Variants in STN1 observed in about 807,000 individuals in gnomAD.
STN1 encodes the protein CST complex subunit STN1.
STN1 carries 29 observed loss-of-function variants against 45.5 expected under a neutral mutation model. The observed-to-expected ratio is 0.64, with a 90% CI of 0.47 to 0.87. The LOEUF (loss-of-function observed/expected upper bound fraction) is 0.87, where lower values mean the gene tolerates loss of function less well. Among genes scored for constraint, STN1 ranks in the 40% least tolerant of loss-of-function variants. The pLI is 0.00. For missense variants in STN1, 376 were observed against 441.4 expected (o/e 0.85, Z 1.33); for synonymous variants, 148 against 159.0 (o/e 0.93, Z 0.52).
intron 7 of STN1, among the ~76,000 whole-genome samples, chr10:103,896,818 G>A (rs1210050394): frequency 6.6e-6 from 1 of 151,972 alleles, no homozygotes; most frequent in African/African-American, 2.4e-5. Context: ...TTACAGGCGT[G>A]AGCCACTGCG....
Position 103,897,789 on chromosome 10 carries a change from C to A in STN1, c.582-70G>T, listed in dbSNP as rs1032832947. ...TTTGTTCCTTTTTGGTGTATAAAAA[C>A]CAGAAAATTAGCTAGAAAATGCAAC... On this transcript the variant is annotated intron_variant, in intron 6 of 9. Coordinates refer to ENST00000224950, the MANE Select transcript of STN1 (RefSeq NM_024928.5). 3.3e-6 allele frequency: 5 copies of A among 1,516,402 alleles called. No homozygotes were observed. The Admixed American group carries it at 6.0e-5, about 18-fold the overall frequency. The allele number at this position is 1,516,402 out of a possible 1,614,324, so 93.9% of individuals were successfully genotyped here. A position where few individuals can be genotyped will look rare whatever the true frequency, so the allele number is the denominator to read the frequency against.
intron 3 of STN1, among the ~76,000 whole-genome samples, chr10:103,909,386 A>ATATGTATATATATGTATATG (rs1843267211): frequency 1.2e-5 from 1 of 86,358 alleles, no homozygotes; most frequent in African/African-American, 4.2e-5. Flanking sequence ...ATATGTATAT[A>ATATGTATATATATGTATATG]TATGTATATA....
chr10:103,893,400 C>A (rs1222507885), intron 7 of STN1, among the ~76,000 whole-genome samples: 3 of 152,138 alleles, frequency 2.0e-5, no homozygotes, highest in African/African-American at 4.8e-5. Flanking sequence ...GATCTCCCGA[C>A]CTCGTGATCC....
intron 7 of STN1, among the ~76,000 whole-genome samples, chr10:103,894,945 C>T (rs1843161999): frequency 1.3e-5 from 2 of 152,196 alleles, no homozygotes; most frequent in South Asian, 4.1e-4. Flanking sequence ...CAAGCCTGCT[C>T]TCTCTCTGCC....
chr10:103,887,282 G>A (rs76208875), intron 9 of STN1, among the ~76,000 whole-genome samples: 320 of 152,264 alleles, frequency 2.1e-3, no homozygotes, highest in Non-Finnish European at 2.8e-3. Context: ...GTATATCGTC[G>A]GCTAAACTTC....
intron 3 of STN1, among the ~76,000 whole-genome samples, chr10:103,908,520 G>T (rs889240053): frequency 1.3e-5 from 2 of 152,212 alleles, no homozygotes; most frequent in African/African-American, 4.8e-5. Flanking sequence ...GCAGGGAGCG[G>T]CCACCTGGCA....
In STN1 at chr10:103,880,114, G is replaced by A. The variant is rs908378752; in HGVS notation, c.*2570C>T. 6.6e-6 allele frequency among the ~76,000 whole-genome samples: 1 copy of A among 152,262 alleles called. No individual in the cohort carries two copies. The highest frequency in any genetic ancestry group is 6.5e-5 in the Admixed American group (1 of 15,288). On this transcript the variant is annotated 3_prime_UTR_variant, in exon 10 of 10. Coordinates refer to ENST00000224950, the MANE Select transcript of STN1 (RefSeq NM_024928.5). ...TTCTTGCCCAGCACCAAAGAAGAAT[G>A]AGAATGTGCTGACAGTGGAAGAGTG...
At chr10:103,883,748 A>G (rs1843086257) in intron 9 of STN1, among the ~76,000 whole-genome samples, 1 of 152,132 alleles carries the variant, frequency 6.6e-6, no homozygotes, top group Non-Finnish European at 1.5e-5. Flanking sequence ...ATTCCTGACA[A>G]ACAACTTTGT....
chr10:103,902,027 T>C (rs1843212909), intron 4 of STN1, among the ~76,000 whole-genome samples: 1 of 152,236 alleles, frequency 6.6e-6, no homozygotes, highest in South Asian at 2.1e-4. Flanking sequence ...ATCTACTCTC[T>C]GTATTTCTTT....
intron 2 of STN1, among the ~76,000 whole-genome samples, chr10:103,915,421 C>T (rs549231850): frequency 1.7e-4 from 26 of 152,256 alleles, no homozygotes; most frequent in South Asian, 4.1e-4. Context: ...CCACCTGATT[C>T]GCATAAATTC....
At chr10:103,899,564 G>A (rs1843193284) in intron 5 of STN1, among the ~76,000 whole-genome samples, 1 of 152,126 alleles carries the variant, frequency 6.6e-6, no homozygotes, top group African/African-American at 2.4e-5. Context: ...GCGCATGCCT[G>A]TAGTTCCAGC....
Position 103,909,366 on chromosome 10 carries a change from A to AATATATATATGTATATATATG in STN1, c.229+1160_229+1161insCATATATATACATATATATAT, listed in dbSNP as rs1564634873. On this transcript the variant is annotated intron_variant, in intron 3 of 9. Coordinates refer to ENST00000224950, the MANE Select transcript of STN1 (RefSeq NM_024928.5). Reference sequence around the variant, plus strand: ...TCCTTTTCAGAATCAAAAAAAAAAAATATATATATATATGTATATATATGT... The same window carrying AATATATATATGTATATATATG: ...TCCTTTTCAGAATCAAAAAAAAAAAAATATATATATGTATATATATGTATATATATATATGTATATATATGT... Among the ~76,000 whole-genome samples, 13 of 80,256 alleles carry AATATATATATGTATATATATG rather than the reference A, an allele frequency of 1.6e-4. 1 individual carries two copies. Among genetic ancestry groups the AATATATATATGTATATATATG allele is most frequent in the South Asian group, 3.8e-4 (1 of 2,606 alleles). The allele number at this position is 80,256 out of a possible 152,430, so 52.7% of individuals were successfully genotyped here. A position where few individuals can be genotyped will look rare whatever the true frequency, so the allele number is the denominator to read the frequency against.
rs1282044784 is a variant in STN1 at position 103,879,992 on chromosome 10, G to A, written c.*2692C>T. On this transcript the variant is annotated 3_prime_UTR_variant, in exon 10 of 10. Coordinates refer to ENST00000224950, the MANE Select transcript of STN1 (RefSeq NM_024928.5). ...AAGCCAGGGACCTCTGGCTGGTGACGGCCCACCTGGGCCTCGCTTGACCAT... is the reference window on the plus strand; with the variant it reads ...AAGCCAGGGACCTCTGGCTGGTGACAGCCCACCTGGGCCTCGCTTGACCAT... Among the ~76,000 whole-genome samples the A allele has an allele frequency of 3.3e-5, 5 of 152,206 alleles. No homozygotes were observed. Among genetic ancestry groups the A allele is most frequent in the Admixed American group, 6.5e-5 (1 of 15,290 alleles).
intron 2 of STN1, among the ~76,000 whole-genome samples, chr10:103,916,950 A>G (rs1843336445): frequency 6.6e-6 from 1 of 152,310 alleles, no homozygotes; most frequent in Non-Finnish European, 1.5e-5. Context: ...CAGGGAGTTT[A>G]TAATATTTTG....
chr10:103,901,747 G>GT (rs750306878), intron 4 of STN1, among the ~76,000 whole-genome samples: 6 of 152,060 alleles, frequency 3.9e-5, no homozygotes, highest in Non-Finnish European at 8.8e-5. Flanking sequence ...AAAGTATCTT[G>GT]TTTTTTGGGG....
chr10:103,916,384 T>C (rs951583719), intron 2 of STN1, among the ~76,000 whole-genome samples: 3 of 152,186 alleles, frequency 2.0e-5, no homozygotes, highest in Non-Finnish European at 4.4e-5. Flanking sequence ...AATGGAAAAC[T>C]GTGGAGGAGG....
chr10:103,895,215 T>C lies in STN1; in HGVS notation c.753+2333A>G, dbSNP rs376714582. The stretch of plus-strand genomic sequence containing the variant: ...CCATATTCGATTCTTTTTAAACATA[T>C]AGCACCAGGCAGACACAAGTTTCTG... On this transcript the variant is annotated intron_variant, in intron 7 of 9. Coordinates refer to ENST00000224950, the MANE Select transcript of STN1 (RefSeq NM_024928.5). Among the ~76,000 whole-genome samples, 10 of 152,328 alleles carry C rather than the reference T, an allele frequency of 6.6e-5. No individual in the cohort carries two copies. In the East Asian group the frequency reaches 1.7e-3, roughly 26 times the overall value.
At chr10:103,899,118 T>C in intron 5 of STN1, 118 bp from the exon 6 acceptor site, 3 of 1,082,608 alleles carry the variant, frequency 2.8e-6, no homozygotes, top group Non-Finnish European at 4.0e-6. Context: ...GTGGGCCTCC[T>C]TCCTTGTGAG....
chr10:103,910,256 G>A (rs569055886), intron 3 of STN1, among the ~76,000 whole-genome samples: 4 of 152,200 alleles, frequency 2.6e-5, no homozygotes, highest in South Asian at 2.1e-4. Context: ...CCCGTCCATC[G>A]ATGCTCATAG....
Sources: gnomAD v4.1 joint callset for allele counts (sites outside exome capture counted in the v4.1 genomes callset) on GRCh38, gnomAD v4.1.1 for gene constraint, MANE v1.5 for transcripts, NCBI Gene and HGNC (gene_info 2026-07-23, HGNC 2026-07-21) for gene names.